Variants in DCDC1 observed in about 807,000 individuals in gnomAD.
DCDC1 encodes the protein doublecortin domain containing 1.
DCDC1 carries 200 observed loss-of-function variants against 178.3 expected under a neutral mutation model. That is an observed-to-expected ratio of 1.12 (90% CI 1.00 to 1.26). The LOEUF (loss-of-function observed/expected upper bound fraction) is 1.26. Ranked by LOEUF, DCDC1 falls within the 50% of genes most tolerant of loss-of-function variation. The pLI is 0.00. For synonymous variants in DCDC1, 690 were observed against 604.8 expected, an observed-to-expected ratio of 1.14 and a Z score of -2.07; for missense variants, 1,983 against 1,749.2, an observed-to-expected ratio of 1.13 and a Z score of -2.38.
rs186904130 is a variant in DCDC1, at chr11:31,115,497, G to A, written c.1486-5136C>T. 1.7e-4 allele frequency among the ~76,000 whole-genome samples: 26 copies of A among 152,262 alleles called. No individual in the cohort carries two copies. The East Asian group carries it at 2.9e-3, about 17-fold the overall frequency. On this transcript the variant is annotated intron_variant, in intron 11 of 38. Transcript: ENST00000684477. ...GAGGCAATAATAGAAAAATGACACC[G>A]CAGTGTGTTGCCAAAGTTGGTTGGG...
At chr11:31,329,685 T>A (rs946367688) in intron 2 of DCDC1, among the ~76,000 whole-genome samples, 1 of 152,298 alleles carries the variant, frequency 6.6e-6, no homozygotes, top group South Asian at 2.1e-4. Context: ...TTGCTCAGAA[T>A]GATGCTTTCC....
At position 31,285,511 on chromosome 11, in the gene DCDC1, C is replaced by T. The variant is rs564096760; in HGVS notation, c.960+5136G>A. On this transcript the variant is annotated intron_variant, in intron 7 of 38. Transcript: ENST00000684477. ...CACACTATTGGGAAAATCTCTGCTG[C>T]CATAGTTACTAATTTATGTGTGAAC... Among the ~76,000 whole-genome samples the T allele has an allele frequency of 1.0e-3, 154 of 152,168 alleles. 1 individual carries two copies. Among genetic ancestry groups the T allele is most frequent in the Non-Finnish European group, 1.8e-3 (120 of 67,988 alleles).
rs146034683 is a variant in DCDC1, at chr11:31,021,329, A to C, written c.2591+43140T>G. Reference sequence around the variant, plus strand: ...AAGCATAAGACTAGAAACAACCTCAACGTTCACCATTAGAAAGCAACTTAA... The same window carrying C: ...AAGCATAAGACTAGAAACAACCTCACCGTTCACCATTAGAAAGCAACTTAA... On this transcript the variant is annotated intron_variant, in intron 20 of 38. Coordinates refer to ENST00000684477, the MANE Select transcript of DCDC1 (RefSeq NM_001387274.1). 6.2e-4 allele frequency among the ~76,000 whole-genome samples: 95 copies of C among 152,154 alleles called. 1 individual carries two copies. The highest frequency in any genetic ancestry group is 2.0e-3 in the African/African-American group (82 of 41,578).
chr11:31,226,440 G>T (rs1396713476), intron 9 of DCDC1, among the ~76,000 whole-genome samples: 1 of 151,422 alleles, frequency 6.6e-6, no homozygotes, highest in African/African-American at 2.4e-5. Flanking sequence ...TCAACAAACT[G>T]TAAGAAGGTA....
intron 10 of DCDC1, among the ~76,000 whole-genome samples, chr11:31,130,185 GAA>G (rs1962245179): frequency 6.6e-6 from 1 of 152,104 alleles, no homozygotes; most frequent in Non-Finnish European, 1.5e-5. Flanking sequence ...CCACTCATCA[GAA>G]ACCCCACTTC....
intron 9 of DCDC1, among the ~76,000 whole-genome samples, chr11:31,147,428 C>T (rs1401384856): frequency 6.6e-6 from 1 of 152,140 alleles, no homozygotes; most frequent in Admixed American, 6.5e-5. Context: ...CCATTGAACA[C>T]TCAGCAACAA....
chr11:31,044,661 A>G (rs1196249187), intron 20 of DCDC1, among the ~76,000 whole-genome samples: 1 of 152,112 alleles, frequency 6.6e-6, no homozygotes, highest in Non-Finnish European at 1.5e-5. Flanking sequence ...AATTTGACCA[A>G]CACACTGGAA....
intron 9 of DCDC1, among the ~76,000 whole-genome samples, chr11:31,154,342 C>T (rs779340556): frequency 4.6e-5 from 7 of 152,220 alleles, no homozygotes; most frequent in Non-Finnish European, 1.0e-4. Context: ...CACACATACA[C>T]TCAGACTCTG....
chr11:31,185,351 A>T (rs1414127444), intron 9 of DCDC1, among the ~76,000 whole-genome samples: 2 of 152,196 alleles, frequency 1.3e-5, no homozygotes. Flanking sequence ...TGGCACGTGT[A>T]TAGCTATGTA....
At chr11:30,932,701 G>A (rs1325434855) in intron 21 of DCDC1, among the ~76,000 whole-genome samples, 1 of 152,150 alleles carries the variant, frequency 6.6e-6, no homozygotes, top group African/African-American at 2.4e-5. Flanking sequence ...ATAGGGAGGA[G>A]AACCTAACTC....
Position 31,208,532 on chromosome 11 carries a change from C to T in DCDC1, c.1221+32918G>A, listed in dbSNP as rs371843404. Reference sequence around the variant, plus strand: ...CATCCTACAATGCCTCCTCCACATACGAGTCAGCATTATCTTTCTCAAGCA... The same window carrying T: ...CATCCTACAATGCCTCCTCCACATATGAGTCAGCATTATCTTTCTCAAGCA... On this transcript the variant is annotated intron_variant, in intron 9 of 38. Transcript: ENST00000684477. Among the ~76,000 whole-genome samples the T allele has an allele frequency of 3.0e-4, 46 of 152,280 alleles. 1 individual carries two copies. In the East Asian group the frequency reaches 4.6e-3, roughly 15 times the overall value.
At chr11:30,877,361 A>G (rs199791039) in intron 38 of DCDC1, among the ~76,000 whole-genome samples, 55 of 152,270 alleles carry the variant, frequency 3.6e-4, no homozygotes, top group East Asian at 1.5e-3. Flanking sequence ...AACACTGGGA[A>G]GAAGAGCATT....
chr11:31,172,822 T>G (rs1967427391), intron 9 of DCDC1, among the ~76,000 whole-genome samples: 1 of 152,144 alleles, frequency 6.6e-6, no homozygotes, highest in Non-Finnish European at 1.5e-5. Flanking sequence ...TTCATCTTGT[T>G]AATTTAGGAA....
At position 30,939,304 on chromosome 11, in the gene DCDC1, C is replaced by G. The variant is rs561431423; in HGVS notation, c.2716-7352G>C. Among the ~76,000 whole-genome samples, 145 of 152,288 alleles carry G rather than the reference C, an allele frequency of 9.5e-4. 1 individual carries two copies. The highest frequency in any genetic ancestry group is 3.4e-3 in the Middle Eastern group (1 of 294). The stretch of plus-strand genomic sequence containing the variant: ...ACCTAAATTGGTTGGGACACCTCTC[C>G]CCTCTTGGCTGGAGTCCCACTCTAT... On this transcript the variant is annotated intron_variant, in intron 21 of 38. Coordinates refer to ENST00000684477, the MANE Select transcript of DCDC1 (RefSeq NM_001387274.1).
chr11:30,975,017 A>T (rs1384526210), intron 20 of DCDC1, among the ~76,000 whole-genome samples: 2 of 152,138 alleles, frequency 1.3e-5, no homozygotes, highest in Non-Finnish European at 2.9e-5. Flanking sequence ...TAAAAAGATA[A>T]CACACCACAA....
intron 20 of DCDC1, among the ~76,000 whole-genome samples, chr11:31,038,302 G>A (rs1457629944): frequency 2.0e-5 from 3 of 152,020 alleles, no homozygotes; most frequent in Non-Finnish European, 4.4e-5. Flanking sequence ...TGGATACCTG[G>A]AGAGTATTTG....
At chr11:31,083,503 T>C (rs778321211) in intron 17 of DCDC1, among the ~76,000 whole-genome samples, 2 of 152,120 alleles carry the variant, frequency 1.3e-5, no homozygotes, top group African/African-American at 2.4e-5. Flanking sequence ...AAGGGAACGG[T>C]GGAGAATATG....
intron 20 of DCDC1, among the ~76,000 whole-genome samples, chr11:31,027,553 AT>A (rs1014654185): frequency 6.6e-6 from 1 of 151,806 alleles, no homozygotes; most frequent in Non-Finnish European, 1.5e-5. Context: ...TTCAAGTAAT[AT>A]TTTTTTCTGA....
chr11:31,301,305 G>A lies in DCDC1; in HGVS notation c.754+4310C>T, dbSNP rs567950298. Among the ~76,000 whole-genome samples, 8 of 152,268 alleles carry A rather than the reference G, an allele frequency of 5.3e-5. No homozygotes were observed. In the East Asian group the frequency reaches 1.5e-3, roughly 29 times the overall value. Reference sequence around the variant, plus strand: ...AAAAGATAAAAGGGAATTTGGGAAAGCCAGTCCCAACTACCTTAGCTGATT... The same window carrying A: ...AAAAGATAAAAGGGAATTTGGGAAAACCAGTCCCAACTACCTTAGCTGATT... On this transcript the variant is annotated intron_variant, in intron 6 of 38. Transcript: ENST00000684477.
Sources: gnomAD v4.1 joint callset for allele counts (sites outside exome capture counted in the v4.1 genomes callset) on GRCh38, gnomAD v4.1.1 for gene constraint, MANE v1.5 for transcripts, NCBI Gene and HGNC (gene_info 2026-07-23, HGNC 2026-07-21) for gene names.